BUB1: variants seen among roughly 807,000 people sequenced by gnomAD.
The protein encoded by BUB1 is mitotic checkpoint serine/threonine-protein kinase BUB1.
Under a neutral mutation model 135.2 loss-of-function variants are expected in BUB1, and 84 were observed. The ratio of observed to expected loss-of-function variants is 0.62; its 90% CI spans 0.52 to 0.74. BUB1 has a LOEUF of 0.74. BUB1 is among the 30% of genes least tolerant of loss of function. The pLI, the probability that BUB1 is intolerant of heterozygous loss-of-function variation, is 0.00. For synonymous variants in BUB1, 403 were observed against 434.4 expected (o/e 0.93, Z 0.90); for missense variants, 1,162 against 1,288.3 (o/e 0.90, Z 1.50).
At chr2:110,666,153 C>G in intron 9 of BUB1, 110 bp downstream of exon 9, 4 of 1,093,592 alleles carry the variant, frequency 3.7e-6, no homozygotes, top group Non-Finnish European at 4.7e-6. Flanking sequence ...CAGAAAGTTA[C>G]TAGCTAAATT....
Position 110,666,410 on chromosome 2 carries a change from A to G in BUB1, c.810T>C (p.Asn270=), listed in dbSNP as rs375267403. 7.1e-7 allele frequency: 1 copy of G among 1,415,474 alleles called. No homozygotes were observed. Among genetic ancestry groups the G allele is most frequent in the Middle Eastern group, 1.8e-4 (1 of 5,410 alleles). The allele number at this position is 1,415,474 out of a possible 1,614,324, so 87.7% of individuals were successfully genotyped here. A position where few individuals can be genotyped will look rare whatever the true frequency, so the allele number is the denominator to read the frequency against. The part of the protein sequence containing the change: ...NQRRKHEQWV[N]EDRHYMKRKE... ...TCCTTTTCATATAATGTCTGTCTTC[A>G]TTTACTTTAGGAAAGATAGAAATGG... Residue 270 remains asparagine, a synonymous_variant, in exon 9 of 25, where the codon AAT becomes AAC. Transcript: ENST00000302759.
Position 110,638,060 on chromosome 2 carries a change from C to G in BUB1, c.3162G>C (p.Leu1054=), listed in dbSNP as rs1478869277. The G allele has an allele frequency of 2.5e-6, 4 of 1,612,604 alleles. No individual in the cohort carries two copies. Among genetic ancestry groups the G allele is most frequent in the Non-Finnish European group, 3.4e-6 (4 of 1,179,334 alleles). The stretch of plus-strand genomic sequence containing the variant: ...TATAGTGTTGTTGAAATACTTTCTT[C>G]AGCTTTTGCCTTAACAAATCCAAAG... ...LPSLDLLRQK[L]KKVFQQHYTN... The change falls in exon 25 of 25, where the codon CTG becomes CTC. Residue 1054 remains leucine (L), a synonymous_variant. Coordinates refer to ENST00000302759, the MANE Select transcript of BUB1 (RefSeq NM_004336.5).
chr2:110,667,237 T>G (rs1385491599), intron 8 of BUB1, among the ~76,000 whole-genome samples: 1 of 152,230 alleles, frequency 6.6e-6, no homozygotes, highest in Non-Finnish European at 1.5e-5. Context: ...ACTATGAGTT[T>G]GCTGCCAAGA....
Position 110,658,625 on chromosome 2 carries a change from T to G in BUB1, c.1394A>C (p.Lys465Thr). The change falls in exon 12 of 25, where the codon AAA becomes ACA. Residue 465 changes from lysine (K) to threonine (T), a missense_variant. By Grantham distance (78) the Lys-to-Thr change is moderately conservative. Coordinates refer to ENST00000302759, the MANE Select transcript of BUB1 (RefSeq NM_004336.5). Reference sequence around the variant, plus strand: ...ATAAAATACTTTACCTAATGCTTCTTTTGTGTGCACGGTGGGTGATGGCTG... The same window carrying G: ...ATAAAATACTTTACCTAATGCTTCTGTTGTGTGCACGGTGGGTGATGGCTG... ...KVQPSPTVHT[K>T]EALGFIMNMF... 6.2e-7 allele frequency: 1 copy of G among 1,614,228 alleles called. No individual in the cohort carries two copies. The highest frequency in any genetic ancestry group is 8.5e-7 in the Non-Finnish European group (1 of 1,180,038).
intron 9 of BUB1, among the ~76,000 whole-genome samples, chr2:110,662,418 G>T (rs549774281): frequency 1.3e-5 from 2 of 152,208 alleles, no homozygotes; most frequent in Non-Finnish European, 2.9e-5. Context: ...TCACATCAGT[G>T]TAAGACTGTA....
At chr2:110,658,908 A>G (rs949393382) in intron 11 of BUB1, among the ~76,000 whole-genome samples, 166 bp from the exon 12 acceptor site, 5 of 152,264 alleles carry the variant, frequency 3.3e-5, no homozygotes, top group Non-Finnish European at 7.3e-5. Context: ...TTTTATCTTT[A>G]TAATAGTCCT....
At chr2:110,661,444 T>C in intron 10 of BUB1, 138 bp downstream of exon 10, 3 of 1,130,242 alleles carry the variant, frequency 2.7e-6, no homozygotes, top group Non-Finnish European at 3.6e-6. Context: ...ACTTGCTTTT[T>C]CAACAACATA....
intron 3 of BUB1, 27 bp from the exon 4 acceptor site, chr2:110,672,884 TAAG>T (rs1475187311): frequency 1.9e-6 from 3 of 1,538,826 alleles, no homozygotes; most frequent in African/African-American, 2.8e-5. Context: ...CAAAAAGACA[TAAG>T]AATAATGGAA....
chr2:110,649,391 G>GAAAAAAAAAA lies in BUB1; in HGVS notation c.2204-24_2204-15dup. 1.8e-6 allele frequency: 2 copies of GAAAAAAAAAA among 1,127,648 alleles called. No homozygotes were observed. 69.9% of individuals were successfully genotyped at this position (1,127,648 alleles called of 1,614,324 possible). ...CAACAATGAAGTCTTAAAGGAATGA[G>GAAAAAAAAAA]AAAAAAAAAAAAAAAGGGAACATGA... On this transcript the variant is annotated splice_polypyrimidine_tract_variant and intron_variant, in intron 18 of 24. Coordinates refer to ENST00000302759, the MANE Select transcript of BUB1 (RefSeq NM_004336.5).
intron 23 of BUB1, 57 bp from the exon 24 acceptor site, chr2:110,639,905 C>T (rs776631812): frequency 1.6e-5 from 22 of 1,341,884 alleles, no homozygotes; most frequent in African/African-American, 1.4e-4. Flanking sequence ...ATGACTATAT[C>T]AAGATGCCTG....
At chr2:110,644,058 C>CAAAAAAAAAAAAAAAAAA (rs58393999) in intron 19 of BUB1, among the ~76,000 whole-genome samples, 64 of 39,648 alleles carry the variant, frequency 1.6e-3, no homozygotes, top group African/African-American at 3.1e-3. Flanking sequence ...AACTGAAATG[C>CAAAAAAAAAAAAAAAAAA]AAAAAAAAAA....
At chr2:110,657,706 AAACTTC>A (rs978052164) in intron 13 of BUB1, 61 bp from the exon 14 acceptor site, 49 of 1,200,738 alleles carry the variant, frequency 4.1e-5, no homozygotes, top group Non-Finnish European at 5.7e-5. Context: ...CCTTTATATT[AAACTTC>A]AACTACAAAT....
intron 23 of BUB1, 190 bp from the exon 24 acceptor site, chr2:110,640,038 A>G (rs1689462699): frequency 3.6e-5 from 24 of 666,320 alleles, no homozygotes; most frequent in Non-Finnish European, 6.0e-5. Context: ...ACAGGCTTCC[A>G]GTCTCTTGAA....
At chr2:110,650,854 G>A in intron 17 of BUB1, 70 bp from the exon 18 acceptor site, 1 of 1,383,250 alleles carries the variant, frequency 7.2e-7, no homozygotes, top group Non-Finnish European at 1.0e-6. Flanking sequence ...TCAGTCACAT[G>A]AAATTCCCTT....
At chr2:110,667,460 T>A in intron 8 of BUB1, 61 bp downstream of exon 8, 1 of 1,475,324 alleles carries the variant, frequency 6.8e-7, no homozygotes, top group Non-Finnish European at 9.2e-7. Context: ...AAGTAATTAC[T>A]CAGAGATGAG....
At chr2:110,664,618 C>T (rs1173266571) in intron 9 of BUB1, among the ~76,000 whole-genome samples, 1 of 148,824 alleles carries the variant, frequency 6.7e-6, no homozygotes, top group African/African-American at 2.5e-5. Context: ...AGAAAGTGTG[C>T]CTTCGAAATG....
intron 1 of BUB1, 101 bp downstream of exon 1, chr2:110,677,869 G>A (rs917859140): frequency 7.2e-7 from 1 of 1,382,728 alleles, no homozygotes; most frequent in African/African-American, 1.5e-5. Context: ...CCCAGGAAGG[G>A]GGCGAAGGGG....
chr2:110,650,642 T>C lies in BUB1; in HGVS notation c.2107A>G (p.Thr703Ala), dbSNP rs757947166. 4 of 1,613,874 alleles carry C rather than the reference T, an allele frequency of 2.5e-6. No homozygotes were observed. In the Admixed American group the frequency reaches 6.7e-5, roughly 27 times the overall value. Reference sequence around the variant, plus strand: ...GGATCTTCTGCAATGGCAGCGTCAGTGTCTGTGAGTCTGCAAGCCTCAACG... The same window carrying C: ...GGATCTTCTGCAATGGCAGCGTCAGCGTCTGTGAGTCTGCAAGCCTCAACG... ...LGVEACRLTD[T>A]DAAIAEDPPD... Residue 703 changes from threonine to alanine, a missense_variant, in exon 18 of 25, where the codon ACT (threonine) becomes GCT (alanine). Transcript: ENST00000302759.
chr2:110,667,349 G>A (rs759261417), intron 8 of BUB1, among the ~76,000 whole-genome samples, 172 bp downstream of exon 8: 9 of 152,038 alleles, frequency 5.9e-5, no homozygotes, highest in African/African-American at 9.7e-5. Flanking sequence ...CAGTTTTCTC[G>A]GGGCAAACGC....
Sources: allele counts gnomAD v4.1 joint callset (sites outside exome capture counted in the v4.1 genomes callset), GRCh38; gene constraint gnomAD v4.1.1; transcripts MANE v1.5; gene names NCBI Gene and HGNC (gene_info 2026-07-23, HGNC 2026-07-21).